The following GRIK2 variants were observed in gnomAD, a reference collection of about 807,000 sequenced individuals.
GRIK2 encodes the protein glutamate receptor ionotropic, kainate 2.
Under a neutral mutation model 100.3 loss-of-function variants are expected in GRIK2, and 32 were observed. The ratio of observed to expected loss-of-function variants is 0.32; its 90% CI spans 0.24 to 0.43. The LOEUF is 0.43. Ranked by LOEUF, GRIK2 falls within the 20% of genes least tolerant of loss-of-function variation. The pLI, the probability that GRIK2 is intolerant of heterozygous loss-of-function variation, is 1.00. For synonymous variants in GRIK2, 417 were observed against 389.4 expected (o/e 1.07, Z -0.83); for missense variants, 843 against 1,114.9 (o/e 0.76, Z 3.47).
In GRIK2 at chr6:101,818,397, C is replaced by T; in HGVS notation, c.1231C>T (p.Leu411=). ...TGGAACGTGGGATCCAGCCAGTGGC[C>T]TGAATATGACAGAAAGTCAAAAGGG... is the stretch of plus-strand genomic sequence containing the variant. ...KIGTWDPASG[L]NMTESQKGKP... is the part of the protein sequence containing the mutation. The change falls in exon 10 of 17, where the codon CTG becomes TTG. Residue 411 remains leucine, a synonymous_variant. Coordinates refer to ENST00000369134, the MANE Select transcript of GRIK2 (RefSeq NM_021956.5). The T allele has an allele frequency of 6.2e-7, 1 of 1,609,278 alleles. No individual in the cohort carries two copies. Among genetic ancestry groups the T allele is most frequent in the Non-Finnish European group, 8.5e-7 (1 of 1,175,802 alleles).
intron 4 of GRIK2, among the ~76,000 whole-genome samples, chr6:101,672,503 A>G (rs948946520): frequency 6.6e-6 from 1 of 152,092 alleles, no homozygotes; most frequent in Non-Finnish European, 1.5e-5. Context: ...TGCCCTGACT[A>G]TGCATCTTAC....
At chr6:101,491,663 C>T (rs556515198) in intron 2 of GRIK2, among the ~76,000 whole-genome samples, 2 of 152,014 alleles carry the variant, frequency 1.3e-5, no homozygotes, top group East Asian at 3.9e-4. Context: ...AAGTTGTTGA[C>T]ATCATGATGG....
chr6:101,767,477 A>G (rs1408015603), intron 7 of GRIK2, among the ~76,000 whole-genome samples: 1 of 152,180 alleles, frequency 6.6e-6, no homozygotes, highest in African/African-American at 2.4e-5. Context: ...TTTGTTTTAC[A>G]CCTAAATAAT....
At chr6:101,415,730 A>G (rs998340562) in intron 2 of GRIK2, among the ~76,000 whole-genome samples, 2 of 152,116 alleles carry the variant, frequency 1.3e-5, no homozygotes, top group Admixed American at 1.3e-4. Flanking sequence ...CTTATAATTT[A>G]TTTACCAATC....
chr6:101,606,615 G>C (rs753352466), intron 2 of GRIK2, among the ~76,000 whole-genome samples: 1 of 151,984 alleles, frequency 6.6e-6, no homozygotes, highest in African/African-American at 2.4e-5. Context: ...CAGACTCTGA[G>C]CCACCTCCTT....
At chr6:101,661,544 G>T (rs1261366546) in intron 4 of GRIK2, among the ~76,000 whole-genome samples, 1 of 152,092 alleles carries the variant, frequency 6.6e-6, no homozygotes, top group African/African-American at 2.4e-5. Context: ...CCTGCAGCTA[G>T]CTCAGTGTCT....
chr6:101,464,672 A>G (rs1356739897), intron 2 of GRIK2, among the ~76,000 whole-genome samples: 1 of 150,606 alleles, frequency 6.6e-6, no homozygotes, highest in East Asian at 2.0e-4. Flanking sequence ...ACTCGCCACC[A>G]TGCCTGGCTA....
intron 2 of GRIK2, among the ~76,000 whole-genome samples, chr6:101,615,452 G>C (rs1779847404): frequency 6.6e-6 from 1 of 151,690 alleles, no homozygotes; most frequent in South Asian, 2.1e-4. Flanking sequence ...TGTGAAACTG[G>C]TTGAATTTTG....
chr6:101,696,611 A>G (rs1772504748), intron 7 of GRIK2, among the ~76,000 whole-genome samples: 1 of 151,974 alleles, frequency 6.6e-6, no homozygotes, highest in Admixed American at 6.6e-5. Context: ...TGTATTTGAC[A>G]TCTAATATAA....
intron 16 of GRIK2, among the ~76,000 whole-genome samples, chr6:102,057,340 G>A (rs999935661): frequency 2.0e-5 from 3 of 151,832 alleles, no homozygotes; most frequent in East Asian, 1.9e-4. Flanking sequence ...TAGCTAGGCC[G>A]TATCTTTAGT....
At chr6:101,525,399 A>T (rs1238055414) in intron 2 of GRIK2, among the ~76,000 whole-genome samples, 1 of 152,134 alleles carries the variant, frequency 6.6e-6, no homozygotes, top group Admixed American at 6.5e-5. Context: ...CAGTATTCTG[A>T]TGATTATGGT....
chr6:101,430,229 A>T lies in GRIK2; in HGVS notation c.115+30837A>T, dbSNP rs2128242656. On this transcript the variant is annotated intron_variant, in intron 2 of 16. Transcript: ENST00000369134. ...CAGGGTATTAAACAAATACCAAGGG[A>T]ACAGTTAAGTTCAATACAAAGTCAA... Among the ~76,000 whole-genome samples the T allele has an allele frequency of 2.0e-5, 3 of 152,340 alleles. No homozygotes were observed. In the Middle Eastern group the frequency reaches 0.01, roughly 518 times the overall value.
At chr6:101,969,796 C>G in intron 14 of GRIK2, among the ~76,000 whole-genome samples, 1 of 152,008 alleles carries the variant, frequency 6.6e-6, no homozygotes, top group Non-Finnish European at 1.5e-5. Context: ...TAAGGAGCAG[C>G]ATACGAGTTT....
chr6:101,710,782 G>A (rs1306774552), intron 7 of GRIK2, among the ~76,000 whole-genome samples: 3 of 151,554 alleles, frequency 2.0e-5, no homozygotes, highest in Admixed American at 6.6e-5. Context: ...GAAGCACCAG[G>A]GTGGAAATAT....
rs1221217229 is a variant in GRIK2, at chr6:102,026,485, G to T, written c.2086-8856G>T. Among the ~76,000 whole-genome samples, 13 of 150,980 alleles carry T rather than the reference G, an allele frequency of 8.6e-5. No individual in the cohort carries two copies. In the East Asian group the frequency reaches 2.2e-3, roughly 25 times the overall value. Reference sequence around the variant, plus strand: ...TATTCTTGATGGCTATTATTTATAAGAAAAGAAAATATTTGATCAGGAAAG... The same window carrying T: ...TATTCTTGATGGCTATTATTTATAATAAAAGAAAATATTTGATCAGGAAAG... On this transcript the variant is annotated intron_variant, in intron 14 of 16. Transcript: ENST00000369134.
At chr6:101,797,843 TTA>T (rs895844873) in intron 7 of GRIK2, among the ~76,000 whole-genome samples, 1 of 148,256 alleles carries the variant, frequency 6.7e-6, no homozygotes, top group Non-Finnish European at 1.5e-5. Context: ...ATTTATACAT[TTA>T]TATATATAAA....
intron 2 of GRIK2, among the ~76,000 whole-genome samples, chr6:101,580,412 A>G (rs1274072672): frequency 6.6e-6 from 1 of 152,118 alleles, no homozygotes; most frequent in African/African-American, 2.4e-5. Flanking sequence ...CAAATCTGTC[A>G]GCTCTACCTT....
At chr6:101,546,346 TA>T (rs1776231219) in intron 2 of GRIK2, among the ~76,000 whole-genome samples, 1 of 152,196 alleles carries the variant, frequency 6.6e-6, no homozygotes, top group Non-Finnish European at 1.5e-5. Context: ...CCCTAATGAT[TA>T]ACCTGATACC....
At chr6:101,481,840 T>C (rs1772548285) in intron 2 of GRIK2, among the ~76,000 whole-genome samples, 1 of 152,162 alleles carries the variant, frequency 6.6e-6, no homozygotes, top group African/African-American at 2.4e-5. Flanking sequence ...GTGGAGGTCA[T>C]TGAATCATAG....
Sources: gnomAD v4.1 joint callset for allele counts (sites outside exome capture counted in the v4.1 genomes callset) on GRCh38, gnomAD v4.1.1 for gene constraint, MANE v1.5 for transcripts, NCBI Gene and HGNC (gene_info 2026-07-23, HGNC 2026-07-21) for gene names.